ARHGAP5: variants seen among roughly 807,000 people sequenced by gnomAD.
ARHGAP5 encodes the protein rho GTPase-activating protein 5.
ARHGAP5 carries 23 observed loss-of-function variants against 116.6 expected under a neutral mutation model. That is an observed-to-expected ratio of 0.20 (90% CI 0.14 to 0.28). The LOEUF is 0.28. ARHGAP5 is among the 10% of genes least tolerant of loss of function. The probability of loss-of-function intolerance (pLI) is 1.00; values close to 1 mark genes in which losing one functional copy is unlikely to be tolerated. For synonymous variants in ARHGAP5, 574 were observed against 602.0 expected, an observed-to-expected ratio of 0.95 and a Z score of 0.68; for missense variants, 1,405 against 1,774.8, an observed-to-expected ratio of 0.79 and a Z score of 3.74.
intron 3 of ARHGAP5, among the ~76,000 whole-genome samples, chr14:32,125,146 C>T (rs1880079895): frequency 6.6e-6 from 1 of 152,150 alleles, no homozygotes. Context: ...AAACCCTGTA[C>T]ACATTAAGCA....
chr14:32,112,891 T>C (rs1027787525), intron 2 of ARHGAP5, among the ~76,000 whole-genome samples: 37 of 152,210 alleles, frequency 2.4e-4, no homozygotes, highest in African/African-American at 8.4e-4. Context: ...AAATTGGATT[T>C]TCATACTTCA....
At chr14:32,128,255 C>T (rs1302414845) in intron 3 of ARHGAP5, among the ~76,000 whole-genome samples, 1 of 151,454 alleles carries the variant, frequency 6.6e-6, no homozygotes, top group Non-Finnish European at 1.5e-5. Flanking sequence ...GCCAGGCAGA[C>T]GCTCCTCACT....
Position 32,092,630 on chromosome 14 carries a change from A to C in ARHGAP5, c.1961A>C (p.Lys654Thr). 1 of 1,613,938 alleles carries C rather than the reference A, an allele frequency of 6.2e-7. No individual in the cohort carries two copies. The highest frequency in any genetic ancestry group is 8.5e-7 in the Non-Finnish European group (1 of 1,179,896). The change falls in exon 2 of 7, where the codon AAA becomes ACA. Residue 654 changes from lysine to threonine, a missense_variant. This residue lies in a region of ARHGAP5 where 944 missense variants were observed against 1,095.3 expected (regional missense o/e 0.86). Transcript: ENST00000345122. This position sits in a 1 kb window ranked among gnomAD's most constrained non-coding sequence, Gnocchi z 4.1. Reference sequence around the variant, plus strand: ...AGTCAGTTATGGACTGCCGCCTTTAAACCACATGGGTGCTTCTGTGTATTT... The same window carrying C: ...AGTCAGTTATGGACTGCCGCCTTTACACCACATGGGTGCTTCTGTGTATTT... ...FLSQLWTAAF[K>T]PHGCFCVFNS...
intron 2 of ARHGAP5, among the ~76,000 whole-genome samples, chr14:32,102,549 C>T (rs952817589): frequency 7.9e-5 from 12 of 152,104 alleles, no homozygotes; most frequent in Admixed American, 5.9e-4. Context: ...GACCCTGTCT[C>T]GAAAACAAAG....
intron 2 of ARHGAP5, among the ~76,000 whole-genome samples, chr14:32,107,371 G>C (rs541831261): frequency 6.6e-6 from 1 of 152,272 alleles, no homozygotes; most frequent in Non-Finnish European, 1.5e-5. Flanking sequence ...GAAGAATTAG[G>C]TAAATGAAAC....
rs1222867313 is a variant in ARHGAP5, at chr14:32,090,845, C to T, written c.176C>T (p.Thr59Ile). 6.2e-7 allele frequency: 1 copy of T among 1,613,514 alleles called. No homozygotes were observed. The highest frequency in any genetic ancestry group is 8.5e-7 in the Non-Finnish European group (1 of 1,179,622). Reference protein sequence around the residue: ...YYPEHTSVLSTIDFGGRVVNN... With the variant: ...YYPEHTSVLSIIDFGGRVVNN... ...CCAGAGCATACTTCTGTGCTTAGCA[C>T]CATTGACTTTGGAGGACGAGTAGTA... is the stretch of plus-strand genomic sequence containing the variant. Residue 59 changes from threonine (T) to isoleucine (I), a missense_variant, in exon 2 of 7, where the codon ACC (threonine) becomes ATC (isoleucine). Physicochemically the swap from Thr to Ile is moderately conservative, Grantham distance 89. Transcript: ENST00000345122.
intron 3 of ARHGAP5, among the ~76,000 whole-genome samples, chr14:32,124,620 C>T (rs987268804): frequency 5.3e-5 from 8 of 151,934 alleles, no homozygotes; most frequent in Non-Finnish European, 7.4e-5. Flanking sequence ...TTAGGGTGAC[C>T]GTAGATGGCA....
chr14:32,086,939 A>G (rs1285616665), intron 1 of ARHGAP5, among the ~76,000 whole-genome samples: 1 of 152,094 alleles, frequency 6.6e-6, no homozygotes, highest in Non-Finnish European at 1.5e-5. Flanking sequence ...GAATGAAGAG[A>G]TTTTCCTTCT....
rs571757404 is a variant in ARHGAP5 at position 32,151,999 on chromosome 14, G to T, written c.4076-424G>T. 8.5e-5 allele frequency among the ~76,000 whole-genome samples: 13 copies of T among 152,272 alleles called. No homozygotes were observed. In the East Asian group the frequency reaches 2.5e-3, roughly 29 times the overall value. On this transcript the variant is annotated intron_variant, in intron 5 of 6. Coordinates refer to ENST00000345122, the MANE Select transcript of ARHGAP5 (RefSeq NM_001030055.2). The stretch of plus-strand genomic sequence containing the variant: ...ACCCCTAGGCCACACAGCCTGGCTT[G>T]TTAGGAACCAGGCTGCACAGCAGAA...
Position 32,158,920 on chromosome 14 carries a change from G to A in ARHGAP5, c.*3972G>A, listed in dbSNP as rs938926410. ...AAAATCTAATTAATTAACTTTGGGAGTCTTCACTATTCAATTGATCCTCAT... is the reference window on the plus strand; with the variant it reads ...AAAATCTAATTAATTAACTTTGGGAATCTTCACTATTCAATTGATCCTCAT... On this transcript the variant is annotated 3_prime_UTR_variant, in exon 7 of 7. Coordinates refer to ENST00000345122, the MANE Select transcript of ARHGAP5 (RefSeq NM_001030055.2). 6.6e-6 allele frequency: 1 copy of A among 152,006 alleles called. No homozygotes were observed. Among genetic ancestry groups the A allele is most frequent in the Non-Finnish European group, 1.5e-5 (1 of 67,906 alleles). The allele number at this position is 152,006 out of a possible 1,614,324, so 9.4% of individuals were successfully genotyped here. A position where few individuals can be genotyped will look rare whatever the true frequency, so the allele number is the denominator to read the frequency against.
chr14:32,138,663 A>C, intron 3 of ARHGAP5, among the ~76,000 whole-genome samples: 1 of 152,206 alleles, frequency 6.6e-6, no homozygotes, highest in Non-Finnish European at 1.5e-5. Context: ...GGATAATTTT[A>C]CTTCATTTTT....
At chr14:32,122,029 A>C (rs922250665) in intron 3 of ARHGAP5, among the ~76,000 whole-genome samples, 1 of 152,124 alleles carries the variant, frequency 6.6e-6, no homozygotes, top group Admixed American at 6.5e-5. Context: ...GTGTGTGGAC[A>C]TATGTTTTCA....
rs955885916 is a variant in ARHGAP5, at chr14:32,136,861, A to G, written c.3866-9402A>G. On this transcript the variant is annotated intron_variant, in intron 3 of 6. Coordinates refer to ENST00000345122, the MANE Select transcript of ARHGAP5 (RefSeq NM_001030055.2). Reference sequence around the variant, plus strand: ...GACTAATGATGTTGAGCATCTTTTCATGTGTGTCTTGGCCATTTGTGTACC... The same window carrying G: ...GACTAATGATGTTGAGCATCTTTTCGTGTGTGTCTTGGCCATTTGTGTACC... Among the ~76,000 whole-genome samples the G allele has an allele frequency of 3.3e-5, 5 of 151,950 alleles. No individual in the cohort carries two copies. In the South Asian group the frequency reaches 8.3e-4, roughly 25 times the overall value.
chr14:32,146,893 T>C (rs1244405197), intron 4 of ARHGAP5, among the ~76,000 whole-genome samples: 1 of 152,174 alleles, frequency 6.6e-6, no homozygotes, highest in Non-Finnish European at 1.5e-5. Context: ...CTGAAGGGAA[T>C]ACTGTACAAT....
chr14:32,082,698 C>T (rs2041789580), intron 1 of ARHGAP5, among the ~76,000 whole-genome samples: 1 of 152,142 alleles, frequency 6.6e-6, no homozygotes, highest in Admixed American at 6.5e-5. Flanking sequence ...CGCCATCACG[C>T]CTGGCTAATT....
At chr14:32,105,318 G>A (rs975364573) in intron 2 of ARHGAP5, among the ~76,000 whole-genome samples, 7 of 151,986 alleles carry the variant, frequency 4.6e-5, no homozygotes, top group Non-Finnish European at 1.0e-4. Context: ...TATCATACTC[G>A]ACTGTTTATC....
rs752384940 is a variant in ARHGAP5 at position 32,149,931 on chromosome 14, G to A, written c.3973G>A (p.Val1325Ile). 7.6e-6 allele frequency: 12 copies of A among 1,581,542 alleles called. No homozygotes were observed. In the Admixed American group the frequency reaches 1.1e-4, roughly 14 times the overall value. The change falls in exon 5 of 7, where the codon GTA (valine) becomes ATA (isoleucine). Residue 1325 changes from valine (V) to isoleucine (I), a missense_variant. Transcript: ENST00000345122. ...TAATATCAATCTAGTGTCAATGGAA[G>A]TAACAGTAAATGCTGTAGCTGGAGC... ...DHNINLVSMEVTVNAVAGALK... is the reference protein window; with the variant it reads ...DHNINLVSMEITVNAVAGALK...
Position 32,093,090 on chromosome 14 carries a change from T to A in ARHGAP5, c.2421T>A (p.Ala807=). The change falls in exon 2 of 7, where the codon GCT becomes GCA. Residue 807 remains alanine (A), a synonymous_variant. Transcript: ENST00000345122. ...SPFLDSHSCS[A]AQAGQNNSLM... ...TCCTTGATTCTCATTCTTGCAGTGC[T>A]GCTCAAGCTGGACAGAATAATTCCC... is the stretch of plus-strand genomic sequence containing the variant. 1.9e-6 allele frequency: 3 copies of A among 1,614,058 alleles called. No individual in the cohort carries two copies. The Admixed American group carries it at 5.0e-5, about 27-fold the overall frequency.
intron 5 of ARHGAP5, 33 bp downstream of exon 5, chr14:32,150,066 G>C (rs1881573466): frequency 2.0e-6 from 3 of 1,505,592 alleles, no homozygotes; most frequent in Non-Finnish European, 1.8e-6. Flanking sequence ...TGAGAGGGAT[G>C]ATAATGGCAG....
Sources: allele counts gnomAD v4.1 joint callset (sites outside exome capture counted in the v4.1 genomes callset), GRCh38; gene constraint gnomAD v4.1.1; regional missense constraint gnomAD v4.1.1; non-coding constraint Gnocchi (gnomAD v3.1); transcripts MANE v1.5; gene names NCBI Gene and HGNC (gene_info 2026-07-23, HGNC 2026-07-21).